Variants in COL6A3 observed in about 807,000 individuals in gnomAD.
The protein encoded by COL6A3 is collagen type VI alpha 3 chain.
In COL6A3, 137 loss-of-function variants were observed where a neutral mutation model predicts 274.1. That is an observed-to-expected ratio of 0.50 (90% CI 0.44 to 0.58). The LOEUF (loss-of-function observed/expected upper bound fraction) is 0.58, where lower values mean the gene tolerates loss of function less well. Ranked by LOEUF, COL6A3 falls within the 20% of genes least tolerant of loss-of-function variation. The pLI, the probability that COL6A3 is intolerant of heterozygous loss-of-function variation, is 0.00. For missense variants in COL6A3, 3,950 were observed against 4,124.9 expected, an observed-to-expected ratio of 0.96 and a Z score of 1.16; for synonymous variants, 1,650 against 1,650.6, an observed-to-expected ratio of 1.00 and a Z score of 0.01.
rs35227432 is a variant in COL6A3, at chr2:237,379,103, C to A, written c.2030G>T (p.Arg677Leu). The A allele has an allele frequency of 1.7e-5, 28 of 1,614,066 alleles. No individual in the cohort carries two copies. The highest frequency in any genetic ancestry group is 2.2e-5 in the Non-Finnish European group (26 of 1,180,042). Reference protein sequence around the residue: ...NSLDIGNDNIRVGLVQFSDTP... With the variant: ...NSLDIGNDNILVGLVQFSDTP... ...GTCACTAAATTGCACTAAACCAACA[C>A]GAATATTGTCATTTCCAATATCAAG... Residue 677 changes from arginine to leucine, a missense_variant, in exon 6 of 44, where the codon CGT becomes CTT. Physicochemically the swap from Arg to Leu is moderately radical, Grantham distance 102. Around this residue, in one of 5 missense-constraint regions of COL6A3, gnomAD observed 1,934 missense variants for 1,984.3 expected, o/e 0.97. Coordinates refer to ENST00000295550, the MANE Select transcript of COL6A3 (RefSeq NM_004369.4).
chr2:237,403,093 G>A (rs760955922), intron 1 of COL6A3, among the ~76,000 whole-genome samples: 1 of 152,200 alleles, frequency 6.6e-6, no homozygotes, highest in Non-Finnish European at 1.5e-5. Context: ...GCCACAGAGA[G>A]TGATTGAGGC....
In COL6A3 at chr2:237,324,694, A is replaced by T; in HGVS notation, c.*80T>A. The T allele has an allele frequency of 2.3e-6, 3 of 1,323,952 alleles. No individual in the cohort carries two copies. Among genetic ancestry groups the T allele is most frequent in the Non-Finnish European group, 3.3e-6 (3 of 918,968 alleles). The allele number at this position is 1,323,952 out of a possible 1,614,324, so 82.0% of individuals were successfully genotyped here. ...AATGATACAGTGCAAGGGAATCTAC[A>T]CCCGGAGCTTCTACAGAGACAAGTT... On this transcript the variant is annotated 3_prime_UTR_variant, in exon 44 of 44. Coordinates refer to ENST00000295550, the MANE Select transcript of COL6A3 (RefSeq NM_004369.4).
At position 237,381,123 on chromosome 2, in the gene COL6A3, A is replaced by C. The variant is rs1256532267; in HGVS notation, c.1689T>G (p.Asp563Glu). 4 of 1,614,206 alleles carry C rather than the reference A, an allele frequency of 2.5e-6. No homozygotes were observed. Among genetic ancestry groups the C allele is most frequent in the African/African-American group, 2.7e-5 (2 of 75,054 alleles). The change falls in exon 5 of 44, where the codon GAT (aspartate) becomes GAG (glutamate). Residue 563 changes from aspartate (D) to glutamate (E), a missense_variant. By Grantham distance (45) the Asp-to-Glu change is conservative. Coordinates refer to ENST00000295550, the MANE Select transcript of COL6A3 (RefSeq NM_004369.4). The stretch of plus-strand genomic sequence containing the variant: ...GCTCCTGGGCAGGCTGGCTGATTTC[A>C]TCTAGGGACTTACCACCTGTGATCA... ...LVLITGGKSLDEISQPAQELK... is the reference protein window; with the variant it reads ...LVLITGGKSLEEISQPAQELK...
In COL6A3 at chr2:237,377,230, T is replaced by G. The variant is rs765377298; in HGVS notation, c.2612A>C (p.Glu871Ala). 5 of 1,612,974 alleles carry G rather than the reference T, an allele frequency of 3.1e-6. No homozygotes were observed. In the South Asian group the frequency reaches 3.3e-5, roughly 11 times the overall value. ...KIIDELNVKP[E>A]GTRIAVAQYS... ...CTGAGCCACCGCAATTCGGGTCCCC[T>G]CTGGCTTCACATTGAGCTCATCGAT... The change falls in exon 7 of 44, where the codon GAG becomes GCG. Residue 871 changes from glutamate to alanine, a missense_variant. Physicochemically the swap from Glu to Ala is moderately radical, Grantham distance 107. Transcript: ENST00000295550.
chr2:237,395,245 A>G, intron 2 of COL6A3, 41 bp from the exon 3 acceptor site: 1 of 1,607,184 alleles, frequency 6.2e-7, no homozygotes. Context: ...CTACTATGTA[A>G]GCAATTACTT....
intron 3 of COL6A3, among the ~76,000 whole-genome samples, chr2:237,390,015 C>T (rs987160876): frequency 7.2e-5 from 11 of 152,174 alleles, no homozygotes; most frequent in Non-Finnish European, 1.5e-4. Context: ...TACATCATTG[C>T]ATAATACAGA....
Position 237,348,641 on chromosome 2 carries a change from A to G in COL6A3, c.6902T>C (p.Val2301Ala), listed in dbSNP as rs111927395. The G allele has an allele frequency of 5.2e-5, 84 of 1,614,082 alleles. No homozygotes were observed. The highest frequency in any genetic ancestry group is 5.8e-5 in the Non-Finnish European group (69 of 1,180,012). Residue 2301 changes from valine (V) to alanine (A), a missense_variant, in exon 29 of 44, where the codon GTT (valine) becomes GCT (alanine). Physicochemically the swap from Val to Ala is moderately conservative, Grantham distance 64. Transcript: ENST00000295550. The part of the protein sequence containing the change: ...GETGDDGRDG[V>A]GSEGRRGKKG... ...TTTGCCTCTGCGTCCTTCACTGCCA[A>G]CTCCGTCTCTCCCGTCATCTCCCTA...
At chr2:237,357,552 A>G (rs921641316) in intron 22 of COL6A3, among the ~76,000 whole-genome samples, 161 bp from the exon 23 acceptor site, 6 of 152,146 alleles carry the variant, frequency 3.9e-5, no homozygotes, top group South Asian at 2.1e-4. Flanking sequence ...ACTTCAGTAC[A>G]CTCCCACCTC....
chr2:237,396,581 G>C lies in COL6A3; in HGVS notation c.91+146C>G, dbSNP rs185081677. On this transcript the variant is annotated intron_variant, in intron 2 of 43. Coordinates refer to ENST00000295550, the MANE Select transcript of COL6A3 (RefSeq NM_004369.4). Reference sequence around the variant, plus strand: ...TATCTGAAAAGGCCTATAAATCCTAGAACTATCCTATCTGACTATCCTATA... The same window carrying C: ...TATCTGAAAAGGCCTATAAATCCTACAACTATCCTATCTGACTATCCTATA... 4.5e-5 allele frequency: 36 copies of C among 808,098 alleles called. No individual in the cohort carries two copies. In the Middle Eastern group the frequency reaches 1.0e-3, roughly 23 times the overall value. The allele number at this position is 808,098 out of a possible 1,614,324, so 50.1% of individuals were successfully genotyped here. A position where few individuals can be genotyped will look rare whatever the true frequency, so the allele number is the denominator to read the frequency against.
At chr2:237,342,437 T>C (rs945578321) in intron 36 of COL6A3, 1 of 464,296 alleles carries the variant, frequency 2.2e-6, no homozygotes, top group Non-Finnish European at 3.9e-6. Context: ...ACCTTCCTAA[T>C]GGTGTCATTT....
chr2:237,363,374 C>A lies in COL6A3; in HGVS notation c.5942G>T (p.Gly1981Val), dbSNP rs727502839. Residue 1981 changes from glycine (G) to valine (V), a missense_variant, in exon 14 of 44, where the codon GGC becomes GTC. Coordinates refer to ENST00000295550, the MANE Select transcript of COL6A3 (RefSeq NM_004369.4). The part of the protein sequence containing the change: ...QEGVRALILV[G>V]LERVVNLERL... ...CTCCAAGTTGACCACTCGTTCAAGG[C>A]CCACCAGGATCAAGGCACGGACTCC... 9.3e-6 allele frequency: 15 copies of A among 1,614,148 alleles called. No individual in the cohort carries two copies. Among genetic ancestry groups the A allele is most frequent in the Non-Finnish European group, 1.2e-5 (14 of 1,180,036 alleles).
Position 237,351,120 on chromosome 2 carries a change from A to G in COL6A3, c.6816+10T>C, listed in dbSNP as rs1352413869. On this transcript the variant is annotated intron_variant, in intron 27 of 43. Coordinates refer to ENST00000295550, the MANE Select transcript of COL6A3 (RefSeq NM_004369.4). ...GTCCTCAGGAAAGCTCTACCTTTCTAAAGACAAACCTTTCTTCCCAGTGGA... is the reference window on the plus strand; with the variant it reads ...GTCCTCAGGAAAGCTCTACCTTTCTGAAGACAAACCTTTCTTCCCAGTGGA... The G allele has an allele frequency of 6.2e-7, 1 of 1,613,970 alleles. No homozygotes were observed. The highest frequency in any genetic ancestry group is 1.7e-5 in the Admixed American group (1 of 60,010).
chr2:237,367,291 A>C lies in COL6A3; in HGVS notation c.4901-5T>G. 6.2e-7 allele frequency: 1 copy of C among 1,609,650 alleles called. No homozygotes were observed. The highest frequency in any genetic ancestry group is 8.5e-7 in the Non-Finnish European group (1 of 1,178,070). On this transcript the variant is annotated splice_region_variant and splice_polypyrimidine_tract_variant and intron_variant, in intron 10 of 43. Transcript: ENST00000295550. ...CAATGTCTGCTTTCTTCTTCTCTAG[A>C]AGTGATTAAAGTGAAAATAAGGAGA... is the stretch of plus-strand genomic sequence containing the variant.
intron 1 of COL6A3, among the ~76,000 whole-genome samples, chr2:237,404,017 AAAT>A (rs1271293220): frequency 1.3e-5 from 2 of 152,072 alleles, no homozygotes; most frequent in Non-Finnish European, 2.9e-5. Flanking sequence ...GACCTCAATT[AAAT>A]AATGATATAC....
At position 237,344,392 on chromosome 2, in the gene COL6A3, G is replaced by T. The variant is rs758039484; in HGVS notation, c.7626C>A (p.Phe2542Leu). The T allele has an allele frequency of 1.2e-6, 2 of 1,614,172 alleles. No homozygotes were observed. Among genetic ancestry groups the T allele is most frequent in the South Asian group, 1.1e-5 (1 of 91,068 alleles). Reference protein sequence around the residue: ...KLSDAGITPLFLTRQEDRQLI... With the variant: ...KLSDAGITPLLLTRQEDRQLI... ...GCTGCCGGTCTTCCTGCCTTGTAAG[G>T]AACAAGGGGGTGATCCCCGCATCTG... The change falls in exon 36 of 44, where the codon TTC becomes TTA. Residue 2542 changes from phenylalanine to leucine, a missense_variant. This residue lies in a region of COL6A3 where 1,284 missense variants were observed against 1,349.7 expected (regional missense o/e 0.95). Transcript: ENST00000295550. This position sits in a 1 kb window ranked among gnomAD's most constrained non-coding sequence, Gnocchi z 4.8.
chr2:237,363,205 G>T lies in COL6A3; in HGVS notation c.6063+48C>A, dbSNP rs753003751. On this transcript the variant is annotated intron_variant, in intron 14 of 43. Coordinates refer to ENST00000295550, the MANE Select transcript of COL6A3 (RefSeq NM_004369.4). Reference sequence around the variant, plus strand: ...CTTCATTCTCTTGAAATGCCAAAAGGTGTGGTATCTACACTGGTCTGTGTA... The same window carrying T: ...CTTCATTCTCTTGAAATGCCAAAAGTTGTGGTATCTACACTGGTCTGTGTA... 1.9e-6 allele frequency: 3 copies of T among 1,596,832 alleles called. No homozygotes were observed. The East Asian group carries it at 6.7e-5, about 36-fold the overall frequency.
chr2:237,339,946 T>G (rs961016090), intron 38 of COL6A3, among the ~76,000 whole-genome samples: 4 of 152,112 alleles, frequency 2.6e-5, no homozygotes, highest in African/African-American at 9.7e-5. Flanking sequence ...GAATATGGGT[T>G]TGCTGCTGAA....
In COL6A3 at chr2:237,338,995, C is replaced by A. The variant is rs770827908; in HGVS notation, c.8567+20G>T. The A allele has an allele frequency of 2.5e-6, 4 of 1,600,022 alleles. No individual in the cohort carries two copies. The East Asian group carries it at 8.9e-5, about 36-fold the overall frequency. ...CCCTGCAGCGCTACAATTTTTAAGA[C>A]AATAATTATAATCACTTACACTTGT... is the stretch of plus-strand genomic sequence containing the variant. On this transcript the variant is annotated intron_variant, in intron 39 of 43. Transcript: ENST00000295550.
intron 3 of COL6A3, among the ~76,000 whole-genome samples, chr2:237,392,204 G>A (rs1048579203): frequency 6.6e-6 from 1 of 152,180 alleles, no homozygotes; most frequent in Admixed American, 6.5e-5. Context: ...ACAAACTTCT[G>A]AAACACCCTG....
Sources: allele counts gnomAD v4.1 joint callset (sites outside exome capture counted in the v4.1 genomes callset), GRCh38; gene constraint gnomAD v4.1.1; regional missense constraint gnomAD v4.1.1; non-coding constraint Gnocchi (gnomAD v3.1); transcripts MANE v1.5; gene names NCBI Gene and HGNC (gene_info 2026-07-23, HGNC 2026-07-21).